The following CDKAL1 variants were observed in gnomAD, a reference collection of about 807,000 sequenced individuals.
CDKAL1 encodes the protein threonylcarbamoyladenosine tRNA methylthiotransferase.
CDKAL1 carries 32 observed loss-of-function variants against 68.2 expected under a neutral mutation model. The ratio of observed to expected loss-of-function variants is 0.47; its 90% CI spans 0.35 to 0.63. CDKAL1 has a LOEUF of 0.63. Ranked by LOEUF, CDKAL1 falls within the 30% of genes least tolerant of loss-of-function variation. The pLI, the probability that CDKAL1 is intolerant of heterozygous loss-of-function variation, is 0.00. For missense variants in CDKAL1, 606 were observed against 696.7 expected (o/e 0.87, Z 1.47); for synonymous variants, 234 against 244.3 (o/e 0.96, Z 0.39).
chr6:20,595,450 C>T (rs1039413037), intron 4 of CDKAL1, among the ~76,000 whole-genome samples: 10 of 151,958 alleles, frequency 6.6e-5, no homozygotes, highest in East Asian at 1.9e-4. Context: ...TCCTTTCTTC[C>T]GCTTGATCCG....
intron 4 of CDKAL1, among the ~76,000 whole-genome samples, chr6:20,620,587 C>T (rs1295646655): frequency 1.3e-5 from 2 of 152,130 alleles, no homozygotes; most frequent in African/African-American, 4.8e-5. Flanking sequence ...ATATAATGCT[C>T]TTTCTTACTT....
At chr6:20,835,127 G>A (rs1324308109) in intron 8 of CDKAL1, among the ~76,000 whole-genome samples, 1 of 152,192 alleles carries the variant, frequency 6.6e-6, no homozygotes, top group African/African-American at 2.4e-5. Flanking sequence ...CTTGGGTAGA[G>A]GGTTTAGAGG....
At chr6:20,758,483 A>G (rs935590358) in intron 6 of CDKAL1, 112 bp from the exon 7 acceptor site, 18 of 749,184 alleles carry the variant, frequency 2.4e-5, no homozygotes, top group Non-Finnish European at 4.0e-5. Flanking sequence ...ATTAAAGGAA[A>G]CCTGCATTGA....
rs543956799 is a variant in CDKAL1 at position 20,626,794 on chromosome 6, A to G, written c.287-22499A>G. On this transcript the variant is annotated intron_variant, in intron 4 of 15. Coordinates refer to ENST00000274695, the MANE Select transcript of CDKAL1 (RefSeq NM_017774.3). ...GCATCACCTTTCTGTTTGAAGCACC[A>G]GGAAAGGGCATGGATCAACAACAGC... is the stretch of plus-strand genomic sequence containing the variant. Among the ~76,000 whole-genome samples, 19 of 152,314 alleles carry G rather than the reference A, an allele frequency of 1.2e-4. No individual in the cohort carries two copies. The South Asian group carries it at 3.9e-3, about 32-fold the overall frequency.
chr6:21,225,314 T>G (rs1213161085), intron 15 of CDKAL1, among the ~76,000 whole-genome samples: 1 of 151,918 alleles, frequency 6.6e-6, no homozygotes, highest in Non-Finnish European at 1.5e-5. Context: ...TTCCAGGAGG[T>G]GCACTCCACC....
At chr6:20,972,905 C>T (rs531024189) in intron 10 of CDKAL1, among the ~76,000 whole-genome samples, 45 of 152,140 alleles carry the variant, frequency 3.0e-4, no homozygotes, top group African/African-American at 9.9e-4. Flanking sequence ...TTAGCAGTTA[C>T]CCTATACAAA....
chr6:21,001,810 A>T (rs1051384007), intron 11 of CDKAL1, among the ~76,000 whole-genome samples: 4 of 152,232 alleles, frequency 2.6e-5, no homozygotes, highest in Admixed American at 1.3e-4. Flanking sequence ...CAAAATTTCA[A>T]GTCAGTTGCA....
At chr6:20,551,443 C>T (rs1187874670) in intron 4 of CDKAL1, among the ~76,000 whole-genome samples, 1 of 151,546 alleles carries the variant, frequency 6.6e-6, no homozygotes, top group Admixed American at 6.6e-5. Context: ...TCTCAGCTCA[C>T]TGCAAGCTCC....
At chr6:20,708,178 T>C (rs1181916593) in intron 5 of CDKAL1, among the ~76,000 whole-genome samples, 1 of 152,186 alleles carries the variant, frequency 6.6e-6, no homozygotes, top group Non-Finnish European at 1.5e-5. Flanking sequence ...TTCCTTAAAT[T>C]TACTCTGAGA....
intron 11 of CDKAL1, among the ~76,000 whole-genome samples, chr6:21,035,360 T>C (rs750459797): frequency 6.6e-6 from 1 of 152,128 alleles, no homozygotes; most frequent in Non-Finnish European, 1.5e-5. Flanking sequence ...TCTCCTACCC[T>C]GCTGGGGATC....
chr6:21,074,253 C>T (rs1420947536), intron 12 of CDKAL1, among the ~76,000 whole-genome samples: 1 of 152,150 alleles, frequency 6.6e-6, no homozygotes, highest in African/African-American at 2.4e-5. Context: ...TGTTTCTTGG[C>T]CTGCAGCTGC....
intron 9 of CDKAL1, among the ~76,000 whole-genome samples, chr6:20,943,367 A>T (rs1447590548): frequency 6.6e-6 from 1 of 150,932 alleles, no homozygotes; most frequent in East Asian, 1.9e-4. Flanking sequence ...AAGAAAAAAA[A>T]AGTAATTTGT....
At chr6:20,786,355 A>C (rs1445299362) in intron 8 of CDKAL1, among the ~76,000 whole-genome samples, 1 of 152,176 alleles carries the variant, frequency 6.6e-6, no homozygotes, top group Non-Finnish European at 1.5e-5. Context: ...ATTTATGTAG[A>C]ATTTTTTAAA....
intron 5 of CDKAL1, among the ~76,000 whole-genome samples, chr6:20,669,913 G>A (rs1465964804): frequency 6.6e-6 from 1 of 151,862 alleles, no homozygotes; most frequent in Non-Finnish European, 1.5e-5. Context: ...CTAAGACTTA[G>A]GAAATGTATG....
At chr6:20,927,357 A>G (rs1763233227) in intron 9 of CDKAL1, among the ~76,000 whole-genome samples, 1 of 152,204 alleles carries the variant, frequency 6.6e-6, no homozygotes, top group Admixed American at 6.5e-5. Context: ...ACCAATTCCC[A>G]GCACTGTGAT....
At chr6:20,892,600 T>A (rs1463624095) in intron 9 of CDKAL1, among the ~76,000 whole-genome samples, 1 of 152,180 alleles carries the variant, frequency 6.6e-6, no homozygotes, top group Non-Finnish European at 1.5e-5. Context: ...ATATATATGT[T>A]TGAGGTTTCC....
At chr6:21,161,900 G>A (rs1776943634) in intron 13 of CDKAL1, among the ~76,000 whole-genome samples, 1 of 152,166 alleles carries the variant, frequency 6.6e-6, no homozygotes, top group African/African-American at 2.4e-5. Flanking sequence ...TTAAACTGTG[G>A]TGCAAAGGAA....
chr6:21,218,874 G>A (rs185195997), intron 15 of CDKAL1, among the ~76,000 whole-genome samples: 80 of 152,322 alleles, frequency 5.3e-4, no homozygotes, highest in African/African-American at 1.6e-3. Context: ...AATACCAGGA[G>A]GCGAGGCTCA....
intron 15 of CDKAL1, among the ~76,000 whole-genome samples, chr6:21,206,109 G>T (rs1778924473): frequency 6.6e-6 from 1 of 152,084 alleles, no homozygotes; most frequent in African/African-American, 2.4e-5. Flanking sequence ...GGGATTACAG[G>T]CGTGAGCCAC....
Sources: allele counts gnomAD v4.1 joint callset (sites outside exome capture counted in the v4.1 genomes callset), GRCh38; gene constraint gnomAD v4.1.1; transcripts MANE v1.5; gene names NCBI Gene and HGNC (gene_info 2026-07-23, HGNC 2026-07-21).